The following ZMYM4 variants were observed in gnomAD, a reference collection of about 807,000 sequenced individuals.
ZMYM4 encodes zinc finger MYM-type protein 4.
Under a neutral mutation model 183.2 loss-of-function variants are expected in ZMYM4, and 31 were observed. That is an observed-to-expected ratio of 0.17 (90% CI 0.13 to 0.23). The LOEUF (loss-of-function observed/expected upper bound fraction) is 0.23. Ranked by LOEUF, ZMYM4 falls within the 10% of genes least tolerant of loss-of-function variation. ZMYM4 has a pLI of 1.00. For synonymous variants in ZMYM4, 592 were observed against 631.2 expected, an observed-to-expected ratio of 0.94 and a Z score of 0.93; for missense variants, 1,273 against 1,840.3, an observed-to-expected ratio of 0.69 and a Z score of 5.64.
At chr1:35,408,923 G>A (rs1410561696) in intron 26 of ZMYM4, among the ~76,000 whole-genome samples, 2 of 152,134 alleles carry the variant, frequency 1.3e-5, no homozygotes, top group Non-Finnish European at 2.9e-5. Context: ...AACCCAGTTA[G>A]TAGTCACTCC....
At position 35,356,273 on chromosome 1, in the gene ZMYM4, A is replaced by G. The variant is rs1431352149; in HGVS notation, c.86-2652A>G. 3.3e-5 allele frequency among the ~76,000 whole-genome samples: 5 copies of G among 152,186 alleles called. No homozygotes were observed. The East Asian group carries it at 9.6e-4, about 29-fold the overall frequency. ...AGTGATATGGAAAGTTGCTTACAAT[A>G]TTACTTCTTAGTATTGACTTCTCAT... On this transcript the variant is annotated intron_variant, in intron 2 of 29. Transcript: ENST00000314607.
In ZMYM4 at chr1:35,399,565, C is replaced by A; in HGVS notation, c.3517C>A (p.Pro1173Thr). The change falls in exon 23 of 30, where the codon CCC becomes ACC. Residue 1173 changes from proline to threonine, a missense_variant. Coordinates refer to ENST00000314607, the MANE Select transcript of ZMYM4 (RefSeq NM_005095.3). ...ACGACACAGAGATGGCTTCCCCCAA[C>A]CCAGACGAAGAGTAAGCTGCAGCTT... ...RRRHRDGFPQ[P>T]RRRGRKKSIV... 1.2e-6 allele frequency: 2 copies of A among 1,614,122 alleles called. No individual in the cohort carries two copies. The highest frequency in any genetic ancestry group is 1.7e-6 in the Non-Finnish European group (2 of 1,179,996).
chr1:35,417,727 C>T (rs1038310996), intron 28 of ZMYM4, among the ~76,000 whole-genome samples: 19 of 151,982 alleles, frequency 1.3e-4, no homozygotes, highest in African/African-American at 3.1e-4. Flanking sequence ...AGAGAGATGG[C>T]GACCGGGCAC....
chr1:35,357,382 GTCT>G (rs1558070888), intron 2 of ZMYM4, among the ~76,000 whole-genome samples: 1 of 152,144 alleles, frequency 6.6e-6, no homozygotes. Flanking sequence ...AATATTTTTA[GTCT>G]TCGCCTCACT....
intron 2 of ZMYM4, among the ~76,000 whole-genome samples, chr1:35,346,660 AAAAAAAAAAAG>A (rs1643404851): frequency 6.6e-6 from 1 of 150,978 alleles, no homozygotes; most frequent in Non-Finnish European, 1.5e-5. Flanking sequence ...CAAAAAAAAA[AAAAAAAAAAAG>A]AAAAAAAAAA....
At chr1:35,270,313 C>T (rs1639530345) in intron 1 of ZMYM4, among the ~76,000 whole-genome samples, 1 of 152,200 alleles carries the variant, frequency 6.6e-6, no homozygotes, top group Non-Finnish European at 1.5e-5. Context: ...ATCTGTGTTT[C>T]TCTCCTTAAA....
At chr1:35,300,055 A>C (rs1641207660) in intron 1 of ZMYM4, among the ~76,000 whole-genome samples, 1 of 151,462 alleles carries the variant, frequency 6.6e-6, no homozygotes, top group South Asian at 2.1e-4. Context: ...TTGGCCTCCC[A>C]AAGTGCTGGG....
chr1:35,304,466 T>C lies in ZMYM4; in HGVS notation c.40-20894T>C, dbSNP rs970438021. Among the ~76,000 whole-genome samples, 3 of 151,878 alleles carry C rather than the reference T, an allele frequency of 2.0e-5. No individual in the cohort carries two copies. In the East Asian group the frequency reaches 5.8e-4, roughly 29 times the overall value. The stretch of plus-strand genomic sequence containing the variant: ...AGTTATTTGATTTTTTTTTCTTTTT[T>C]TTTTTCTTTGAGACGGGATCTGGCT... On this transcript the variant is annotated intron_variant, in intron 1 of 29. Transcript: ENST00000314607.
At chr1:35,338,527 C>T (rs955964524) in intron 2 of ZMYM4, among the ~76,000 whole-genome samples, 10 of 152,270 alleles carry the variant, frequency 6.6e-5, no homozygotes, top group Middle Eastern at 6.8e-3. Flanking sequence ...GGGGAATGTC[C>T]TGGAACCAAA....
At chr1:35,290,205 T>C (rs1640693867) in intron 1 of ZMYM4, among the ~76,000 whole-genome samples, 1 of 152,124 alleles carries the variant, frequency 6.6e-6, no homozygotes, top group Non-Finnish European at 1.5e-5. Flanking sequence ...TGACCTCAAG[T>C]GATCCACCCG....
At chr1:35,365,043 A>G (rs1644035730) in intron 5 of ZMYM4, among the ~76,000 whole-genome samples, 1 of 151,974 alleles carries the variant, frequency 6.6e-6, no homozygotes, top group Non-Finnish European at 1.5e-5. Context: ...TGTTTCTATA[A>G]TGTTTTCTGT....
At chr1:35,306,634 C>G (rs1312930294) in intron 1 of ZMYM4, among the ~76,000 whole-genome samples, 1 of 152,004 alleles carries the variant, frequency 6.6e-6, no homozygotes, top group Middle Eastern at 3.2e-3. Context: ...AGTGGCTTTC[C>G]AGTAACCATA....
At chr1:35,281,362 G>A (rs541889702) in intron 1 of ZMYM4, among the ~76,000 whole-genome samples, 1 of 152,006 alleles carries the variant, frequency 6.6e-6, no homozygotes, top group Non-Finnish European at 1.5e-5. Flanking sequence ...CCAGGCACAG[G>A]AAGACAAAAA....
At chr1:35,398,763 G>A (rs928821682) in intron 21 of ZMYM4, 101 bp from the exon 22 acceptor site, 11 of 1,198,932 alleles carry the variant, frequency 9.2e-6, no homozygotes, top group African/African-American at 3.1e-5. Flanking sequence ...TCCATCAACC[G>A]TATCTCATTT....
rs972518448 is a variant in ZMYM4, at chr1:35,269,579, A to C, written c.39+494A>C. ...TCCCCCCATAGCCGTTATCTAGACCAAAGTCGGGGTGGTGGTCTTACCTGT... is the reference window on the plus strand; with the variant it reads ...TCCCCCCATAGCCGTTATCTAGACCCAAGTCGGGGTGGTGGTCTTACCTGT... On this transcript the variant is annotated intron_variant, in intron 1 of 29. Coordinates refer to ENST00000314607, the MANE Select transcript of ZMYM4 (RefSeq NM_005095.3). Among the ~76,000 whole-genome samples, 8 of 152,056 alleles carry C rather than the reference A, an allele frequency of 5.3e-5. 1 individual carries two copies.
chr1:35,329,865 C>G (rs1352356487), intron 2 of ZMYM4, among the ~76,000 whole-genome samples: 1 of 151,986 alleles, frequency 6.6e-6, no homozygotes. Flanking sequence ...TTTAAAAATT[C>G]TAATAATAAT....
At chr1:35,393,517 T>A in intron 17 of ZMYM4, 78 bp from the exon 18 acceptor site, 1 of 1,313,456 alleles carries the variant, frequency 7.6e-7, no homozygotes, top group Non-Finnish European at 1.0e-6. Flanking sequence ...TGACATTTCC[T>A]TTAATATTAT....
intron 1 of ZMYM4, among the ~76,000 whole-genome samples, chr1:35,324,987 G>C (rs1275790289): frequency 6.6e-6 from 1 of 151,590 alleles, no homozygotes; most frequent in African/African-American, 2.4e-5. Context: ...TAATTTTTCT[G>C]TTCAGTTTTG....
intron 2 of ZMYM4, among the ~76,000 whole-genome samples, chr1:35,330,430 A>G (rs1055535123): frequency 2.0e-5 from 3 of 152,122 alleles, no homozygotes; most frequent in South Asian, 2.1e-4. Flanking sequence ...TGGCTGCTGT[A>G]TCTTGAGCCT....
Sources: allele counts gnomAD v4.1 joint callset (sites outside exome capture counted in the v4.1 genomes callset), GRCh38; gene constraint gnomAD v4.1.1; transcripts MANE v1.5; gene names NCBI Gene and HGNC (gene_info 2026-07-23, HGNC 2026-07-21).